Variants in PRDM11 observed in about 807,000 individuals in gnomAD.
PRDM11 encodes PR/SET domain 11.
Under a neutral mutation model 97.8 loss-of-function variants are expected in PRDM11, and 20 were observed. The ratio of observed to expected loss-of-function variants is 0.20; its 90% CI spans 0.14 to 0.30. The LOEUF (loss-of-function observed/expected upper bound fraction) is 0.30. PRDM11 is among the 10% of genes least tolerant of loss of function. PRDM11 has a pLI of 1.00. For missense variants in PRDM11, 1,139 were observed against 1,555.2 expected, an observed-to-expected ratio of 0.73 and a Z score of 4.50; for synonymous variants, 599 against 637.7, an observed-to-expected ratio of 0.94 and a Z score of 0.91.
chr11:45,161,403 G>A (rs894862393), intron 1 of PRDM11, among the ~76,000 whole-genome samples: 5 of 152,156 alleles, frequency 3.3e-5, no homozygotes, highest in African/African-American at 7.2e-5. Flanking sequence ...GCGGGCAATC[G>A]GATTTCATCC....
chr11:45,138,428 T>C (rs978665225), intron 1 of PRDM11, among the ~76,000 whole-genome samples: 2 of 152,028 alleles, frequency 1.3e-5, no homozygotes, highest in African/African-American at 4.8e-5. Context: ...ATTAGACAGG[T>C]ATGGCGGCAT....
Position 45,119,649 on chromosome 11 carries a change from A to C in PRDM11, c.96+23748A>C, listed in dbSNP as rs897941604. 1.2e-4 allele frequency among the ~76,000 whole-genome samples: 16 copies of C among 136,012 alleles called. No individual in the cohort carries two copies. The East Asian group carries it at 2.2e-3, about 19-fold the overall frequency. 89.2% of individuals were successfully genotyped at this position (136,012 alleles called of 152,430 possible). ...AAAAAAAAAAAAAAAAAAAAAAAAA[A>C]CACCTGGTAAGGCCATACCAGGAAG... On this transcript the variant is annotated intron_variant, in intron 1 of 6. Transcript: ENST00000530656.
intron 1 of PRDM11, among the ~76,000 whole-genome samples, chr11:45,168,882 A>G (rs1590400546): frequency 6.6e-6 from 1 of 151,858 alleles, no homozygotes; most frequent in Non-Finnish European, 1.5e-5. Context: ...CAGAGACTGC[A>G]CTCCTGGCAG....
chr11:45,212,271 T>C (rs545433357), intron 5 of PRDM11, among the ~76,000 whole-genome samples: 64 of 152,244 alleles, frequency 4.2e-4, no homozygotes, highest in African/African-American at 1.4e-3. Flanking sequence ...GAAGAGGAAC[T>C]TCCCCCCAGG....
chr11:45,185,499 G>A (rs1422633034), intron 4 of PRDM11, among the ~76,000 whole-genome samples: 1 of 151,896 alleles, frequency 6.6e-6, no homozygotes, highest in Non-Finnish European at 1.5e-5. Flanking sequence ...GTGGGAGGGT[G>A]TGTGGTCAAG....
chr11:45,229,964 A>G lies in PRDM11; in HGVS notation c.*1805A>G, dbSNP rs181756712. The G allele has an allele frequency of 6.6e-6, 1 of 152,184 alleles. No individual in the cohort carries two copies. The highest frequency in any genetic ancestry group is 1.9e-4 in the East Asian group (1 of 5,162). 9.4% of individuals were successfully genotyped at this position (152,184 alleles called of 1,614,324 possible). On this transcript the variant is annotated 3_prime_UTR_variant, in exon 8 of 8. Coordinates refer to ENST00000683152, the MANE Select transcript of PRDM11 (RefSeq NM_001384648.1). ...AGGCCTCATGCCACCGTTGAGAACC[A>G]TAGTGGAAATGTCATCAACACTGAA... is the stretch of plus-strand genomic sequence containing the variant.
chr11:45,167,149 C>T (rs981509511), intron 1 of PRDM11, among the ~76,000 whole-genome samples: 1 of 152,160 alleles, frequency 6.6e-6, no homozygotes, highest in Non-Finnish European at 1.5e-5. Flanking sequence ...TTTCACAAAG[C>T]CTGGCACAAA....
intron 1 of PRDM11, among the ~76,000 whole-genome samples, chr11:45,137,415 A>G (rs1462473579): frequency 1.6e-4 from 1 of 6,340 alleles, no homozygotes; most frequent in Non-Finnish European, 6.6e-4. Context: ...CCTGAGTGAC[A>G]AGAGACTCCG....
chr11:45,207,380 T>G (rs928450212), intron 5 of PRDM11, among the ~76,000 whole-genome samples: 5 of 152,238 alleles, frequency 3.3e-5, no homozygotes, highest in Non-Finnish European at 5.9e-5. Context: ...CAGCCCCATC[T>G]AGGTGATCTG....
intron 1 of PRDM11, among the ~76,000 whole-genome samples, chr11:45,112,701 A>AT (rs1852210657): frequency 6.6e-6 from 1 of 151,852 alleles, no homozygotes; most frequent in Non-Finnish European, 1.5e-5. Flanking sequence ...GATGTTGAGC[A>AT]TTTTTTCGTA....
chr11:45,182,963 C>T lies in PRDM11; in HGVS notation c.326C>T (p.Ala109Val), dbSNP rs755925975. 6 of 1,613,874 alleles carry T rather than the reference C, an allele frequency of 3.7e-6. No homozygotes were observed. The highest frequency in any genetic ancestry group is 2.2e-5 in the East Asian group (1 of 44,862). ...TPVPVGIPDR[A>V]ALTIPQGMEV... is the part of the protein sequence containing the mutation. ...GTGCCCGTGGGCATCCCAGACCGGG[C>T]GGCGCTCACCATCCCACAGGGCATG... The change falls in exon 4 of 8, where the codon GCG becomes GTG. Residue 109 changes from alanine (A) to valine (V), a missense_variant. Coordinates refer to ENST00000683152, the MANE Select transcript of PRDM11 (RefSeq NM_001384648.1).
upstream of PRDM11, among the ~76,000 whole-genome samples, chr11:45,143,227 C>A (rs1449854164): frequency 6.6e-6 from 1 of 152,194 alleles, no homozygotes; most frequent in Admixed American, 6.5e-5. Flanking sequence ...CCTTGTTTTA[C>A]AACAAATGTG....
At chr11:45,207,512 A>G (rs1853559751) in intron 5 of PRDM11, among the ~76,000 whole-genome samples, 1 of 152,186 alleles carries the variant, frequency 6.6e-6, no homozygotes, top group Non-Finnish European at 1.5e-5. Context: ...AAAATCCTGC[A>G]TTACACAGGA....
At chr11:45,132,916 G>C (rs1852750744) in intron 1 of PRDM11, among the ~76,000 whole-genome samples, 1 of 152,138 alleles carries the variant, frequency 6.6e-6, no homozygotes, top group South Asian at 2.1e-4. Context: ...AATACTGATG[G>C]CTCAGCCATC....
chr11:45,197,585 C>T (rs967080016), intron 4 of PRDM11, among the ~76,000 whole-genome samples: 4 of 152,104 alleles, frequency 2.6e-5, no homozygotes, highest in African/African-American at 9.7e-5. Context: ...GACGGTTTGA[C>T]AGGTGTACAC....
chr11:45,225,149 A>G (rs1646661951), intron 7 of PRDM11: 1 of 1,367,466 alleles, frequency 7.3e-7, no homozygotes. Context: ...GTCTTACCCC[A>G]AAGCCCAATT....
intron 4 of PRDM11, among the ~76,000 whole-genome samples, chr11:45,201,172 G>A (rs1380730059): frequency 6.6e-6 from 1 of 152,312 alleles, no homozygotes; most frequent in East Asian, 1.9e-4. Flanking sequence ...GTACCCTAGA[G>A]AGCATAGAAA....
chr11:45,156,834 G>A (rs1851806014), intron 1 of PRDM11, among the ~76,000 whole-genome samples: 1 of 152,126 alleles, frequency 6.6e-6, no homozygotes, highest in Non-Finnish European at 1.5e-5. Flanking sequence ...CTTGAGGGAG[G>A]AGCGGGGGTT....
At chr11:45,200,086 C>T (rs1590436206) in intron 4 of PRDM11, among the ~76,000 whole-genome samples, 1 of 152,236 alleles carries the variant, frequency 6.6e-6, no homozygotes, top group Non-Finnish European at 1.5e-5. Flanking sequence ...CAGAGCCTGT[C>T]ACTGTGGCCT....
Sources: allele counts gnomAD v4.1 joint callset (sites outside exome capture counted in the v4.1 genomes callset), GRCh38; gene constraint gnomAD v4.1.1; transcripts MANE v1.5; gene names NCBI Gene and HGNC (gene_info 2026-07-23, HGNC 2026-07-21).